The following MAML1 variants were observed in gnomAD, a reference collection of about 807,000 sequenced individuals.
MAML1 encodes the protein mastermind like transcriptional coactivator 1, also known as mastermind-like protein 1.
MAML1 carries 14 observed loss-of-function variants against 77.1 expected under a neutral mutation model. That is an observed-to-expected ratio of 0.18 (90% CI 0.12 to 0.28). The LOEUF (loss-of-function observed/expected upper bound fraction) is 0.28. Ranked by LOEUF, MAML1 falls within the 10% of genes least tolerant of loss-of-function variation. The pLI is 1.00. For synonymous variants in MAML1, 516 were observed against 551.9 expected (o/e 0.93, Z 0.91); for missense variants, 1,217 against 1,327.8 (o/e 0.92, Z 1.30).
Position 179,766,774 on chromosome 5 carries a change from C to T in MAML1, c.1731+33C>T, listed in dbSNP as rs146965341. The T allele has an allele frequency of 2.6e-5, 38 of 1,482,254 alleles. No individual in the cohort carries two copies. The highest frequency in any genetic ancestry group is 3.1e-5 in the Non-Finnish European group (34 of 1,105,850). The allele number at this position is 1,482,254 out of a possible 1,614,324, so 91.8% of individuals were successfully genotyped here. A position where few individuals can be genotyped will look rare whatever the true frequency, so the allele number is the denominator to read the frequency against. ...TGAGCCTTTGCTTTCTGTTCCTCTG[C>T]TGCAGACACTTCAGTGAGGTTACTC... On this transcript the variant is annotated intron_variant, in intron 2 of 4. Transcript: ENST00000292599. This position sits in a 1 kb window ranked among gnomAD's most constrained non-coding sequence, Gnocchi z 4.0.
chr5:179,753,610 G>GGGGGGAGA (rs1562560245), intron 1 of MAML1, among the ~76,000 whole-genome samples: 2 of 151,668 alleles, frequency 1.3e-5, no homozygotes, highest in Non-Finnish European at 2.9e-5. Flanking sequence ...AGATGAATCG[G>GGGGGGAGA]GGGGGAGAAG....
intron 1 of MAML1, among the ~76,000 whole-genome samples, chr5:179,763,081 ATCTT>A (rs1779750794): frequency 6.6e-6 from 1 of 152,176 alleles, no homozygotes; most frequent in African/African-American, 2.4e-5. Context: ...TTAGATTTCC[ATCTT>A]TCTTTTTCCC....
Position 179,766,775 on chromosome 5 carries a change from T to C in MAML1, c.1731+34T>C, listed in dbSNP as rs1393591584. The stretch of plus-strand genomic sequence containing the variant: ...GAGCCTTTGCTTTCTGTTCCTCTGC[T>C]GCAGACACTTCAGTGAGGTTACTCA... On this transcript the variant is annotated intron_variant, in intron 2 of 4. Coordinates refer to ENST00000292599, the MANE Select transcript of MAML1 (RefSeq NM_014757.5). The surrounding 1 kb of genome is among the most constrained non-coding windows in gnomAD (Gnocchi z 4.0). The C allele has an allele frequency of 2.0e-6, 3 of 1,484,534 alleles. No homozygotes were observed. 92.0% of individuals were successfully genotyped at this position (1,484,534 alleles called of 1,614,324 possible).
intron 1 of MAML1, among the ~76,000 whole-genome samples, chr5:179,745,199 C>T (rs1779355680): frequency 6.6e-6 from 1 of 151,938 alleles, no homozygotes; most frequent in Non-Finnish European, 1.5e-5. Context: ...GCCACCGTGC[C>T]CGGCCGCATT....
chr5:179,775,018 G>T lies in MAML1; in HGVS notation c.*141G>T. The T allele has an allele frequency of 5.5e-6, 8 of 1,459,832 alleles. No individual in the cohort carries two copies. The highest frequency in any genetic ancestry group is 6.3e-6 in the Non-Finnish European group (7 of 1,113,494). 90.4% of individuals were successfully genotyped at this position (1,459,832 alleles called of 1,614,324 possible). A position where few individuals can be genotyped will look rare whatever the true frequency, so the allele number is the denominator to read the frequency against. On this transcript the variant is annotated 3_prime_UTR_variant, in exon 5 of 5. Coordinates refer to ENST00000292599, the MANE Select transcript of MAML1 (RefSeq NM_014757.5). The stretch of plus-strand genomic sequence containing the variant: ...GAGCCCAAGCTCCAGGTGAGGCCTG[G>T]CCCTGGGCAGGGTCTGTGGCTGCGC...
chr5:179,751,658 T>A (rs1779492083), intron 1 of MAML1, among the ~76,000 whole-genome samples: 1 of 151,692 alleles, frequency 6.6e-6, no homozygotes, highest in African/African-American at 2.4e-5. Flanking sequence ...TGAGCCAAGA[T>A]CATGCCACTG....
rs757304194 is a variant in MAML1 at position 179,765,967 on chromosome 5, C to T, written c.957C>T (p.Ala319=). 1.8e-5 allele frequency: 29 copies of T among 1,613,704 alleles called. No individual in the cohort carries two copies. The highest frequency in any genetic ancestry group is 2.2e-5 in the East Asian group (1 of 44,874). ...QEQLGSPQVR[A]GSAGQTFLGP... ...AGTTAGGCTCTCCACAAGTGAGGGC[C>T]GGGTCTGCAGGGCAGACCTTTCTGG... Residue 319 remains alanine, a synonymous_variant, in exon 2 of 5, where the codon GCC becomes GCT. Coordinates refer to ENST00000292599, the MANE Select transcript of MAML1 (RefSeq NM_014757.5).
rs1756060039 is a variant in MAML1, at chr5:179,773,876, A to C, written c.2069-19A>C. On this transcript the variant is annotated intron_variant, in intron 4 of 4. Transcript: ENST00000292599. ...GTGGTGGTCGACTCCTGACTGCCAG[A>C]CTCTTCTCTGTCTTGTAGGGTCCTC... 2 of 1,596,616 alleles carry C rather than the reference A, an allele frequency of 1.3e-6. No individual in the cohort carries two copies. The highest frequency in any genetic ancestry group is 1.7e-4 in the Middle Eastern group (1 of 5,982).
intron 1 of MAML1, among the ~76,000 whole-genome samples, chr5:179,754,016 G>T (rs1205473764): frequency 6.6e-6 from 1 of 151,922 alleles, no homozygotes; most frequent in Non-Finnish European, 1.5e-5. Context: ...GGGCACAATG[G>T]CTCACGCCTG....
chr5:179,752,100 G>T (rs1779499185), intron 1 of MAML1, among the ~76,000 whole-genome samples: 1 of 151,848 alleles, frequency 6.6e-6, no homozygotes, highest in Non-Finnish European at 1.5e-5. Flanking sequence ...GGCCGAGGTG[G>T]GTGGATCACG....
At chr5:179,760,153 G>A (rs1171622916) in intron 1 of MAML1, among the ~76,000 whole-genome samples, 1 of 152,150 alleles carries the variant, frequency 6.6e-6, no homozygotes, top group Non-Finnish European at 1.5e-5. Context: ...TAAGAGCTCT[G>A]CAGAGGTGGG....
At chr5:179,761,468 G>T (rs1779725074) in intron 1 of MAML1, among the ~76,000 whole-genome samples, 1 of 152,146 alleles carries the variant, frequency 6.6e-6, no homozygotes, top group South Asian at 2.1e-4. Context: ...AGGCCGAGGT[G>T]AGCGGATCAC....
At chr5:179,747,973 G>C (rs1264905841) in intron 1 of MAML1, among the ~76,000 whole-genome samples, 1 of 152,078 alleles carries the variant, frequency 6.6e-6, no homozygotes, top group African/African-American at 2.4e-5. Context: ...AAGTAGAATG[G>C]TAGTTGTCAT....
At chr5:179,754,463 G>T (rs574810842) in intron 1 of MAML1, among the ~76,000 whole-genome samples, 1 of 151,930 alleles carries the variant, frequency 6.6e-6, no homozygotes, top group African/African-American at 2.4e-5. Context: ...GTATGGTGGC[G>T]CATGCCTGTA....
rs1756072579 is a variant in MAML1, at chr5:179,774,149, A to G, written c.2323A>G (p.Thr775Ala). ...QIVAQPPPQA[T>A]NGHAHIPRQT... ...AGTTGCCCAGCCCCCGCCACAGGCC[A>G]CCAATGGACATGCCCACATTCCACG... The change falls in exon 5 of 5, where the codon ACC becomes GCC. Residue 775 changes from threonine to alanine, a missense_variant. By Grantham distance (58) the Thr-to-Ala change is moderately conservative (BLOSUM62 0). Coordinates refer to ENST00000292599, the MANE Select transcript of MAML1 (RefSeq NM_014757.5). 1 of 1,613,498 alleles carries G rather than the reference A, an allele frequency of 6.2e-7. No homozygotes were observed. Among genetic ancestry groups the G allele is most frequent in the African/African-American group, 1.3e-5 (1 of 74,932 alleles).
At chr5:179,760,832 C>T (rs983420754) in intron 1 of MAML1, among the ~76,000 whole-genome samples, 1 of 152,208 alleles carries the variant, frequency 6.6e-6, no homozygotes, top group African/African-American at 2.4e-5. Context: ...TGGCTCATGC[C>T]TGTAATCCCA....
At chr5:179,737,201 A>C (rs191886383) in intron 1 of MAML1, among the ~76,000 whole-genome samples, 2 of 152,200 alleles carry the variant, frequency 1.3e-5, no homozygotes, top group Non-Finnish European at 1.5e-5. Flanking sequence ...TTTTTATCAC[A>C]TTAAACCTTG....
intron 1 of MAML1, among the ~76,000 whole-genome samples, chr5:179,735,754 T>C (rs142582220): frequency 0.037 from 5,553 of 151,068 alleles, 122 homozygotes; most frequent in African/African-American, 0.053. Context: ...GTGACATGAT[T>C]TCTGCTCACT....
intron 1 of MAML1, among the ~76,000 whole-genome samples, chr5:179,752,839 T>C (rs1220731006): frequency 1.3e-5 from 2 of 152,238 alleles, no homozygotes; most frequent in African/African-American, 4.8e-5. Flanking sequence ...AGTGGTGCAA[T>C]CTCGGCTCAC....
Sources: allele counts gnomAD v4.1 joint callset (sites outside exome capture counted in the v4.1 genomes callset), GRCh38; gene constraint gnomAD v4.1.1; non-coding constraint Gnocchi (gnomAD v3.1); transcripts MANE v1.5; gene names NCBI Gene and HGNC (gene_info 2026-07-23, HGNC 2026-07-21).